The following CNTNAP5 variants were observed in gnomAD, a reference collection of about 807,000 sequenced individuals.
CNTNAP5 encodes the protein contactin associated protein family member 5.
A neutral mutation model predicts 150.2 loss-of-function variants in CNTNAP5; 72 were observed. That is an observed-to-expected ratio of 0.48 (90% CI 0.40 to 0.58). The LOEUF (loss-of-function observed/expected upper bound fraction) is 0.58, where lower values mean the gene tolerates loss of function less well. Among genes scored for constraint, CNTNAP5 ranks in the 20% least tolerant of loss-of-function variants. CNTNAP5 has a pLI of 0.00. For missense variants in CNTNAP5, 1,636 were observed against 1,626.2 expected, an observed-to-expected ratio of 1.01 and a Z score of -0.10; for synonymous variants, 672 against 619.8, an observed-to-expected ratio of 1.08 and a Z score of -1.25.
chr2:124,361,662 C>G (rs10180886), intron 3 of CNTNAP5, among the ~76,000 whole-genome samples: 36 of 138,330 alleles, frequency 2.6e-4, no homozygotes, highest in Middle Eastern at 3.5e-3. Flanking sequence ...GGCAGTCTGC[C>G]GGTTCTCAGA....
At chr2:124,723,065 C>T (rs1285931283) in intron 13 of CNTNAP5, among the ~76,000 whole-genome samples, 2 of 152,208 alleles carry the variant, frequency 1.3e-5, no homozygotes, top group East Asian at 3.9e-4. Context: ...CTCCAGAACC[C>T]ACTTTCTACT....
At chr2:124,147,789 G>T (rs1684291374) in intron 1 of CNTNAP5, among the ~76,000 whole-genome samples, 1 of 152,130 alleles carries the variant, frequency 6.6e-6, no homozygotes. Context: ...AGAGGCTTGG[G>T]CTCGGGCACC....
intron 13 of CNTNAP5, among the ~76,000 whole-genome samples, chr2:124,735,128 AC>A (rs1680354505): frequency 6.6e-6 from 1 of 152,068 alleles, no homozygotes; most frequent in African/African-American, 2.4e-5. Context: ...CTATATATGT[AC>A]CCCCTTTCCT....
In CNTNAP5 at chr2:124,361,544, G is replaced by T. The variant is rs1221147305; in HGVS notation, c.382-55899G>T. ...CTTCTAACAGACAGGACCCTCAGCT[G>T]CAGGTCTGTTGGAATACCCTGCCTT... On this transcript the variant is annotated intron_variant, in intron 3 of 23. Coordinates refer to ENST00000682447, the MANE Select transcript of CNTNAP5 (RefSeq NM_001367498.1). 9.6e-5 allele frequency among the ~76,000 whole-genome samples: 14 copies of T among 145,980 alleles called. No individual in the cohort carries two copies. In the South Asian group the frequency reaches 2.6e-3, roughly 27 times the overall value.
intron 17 of CNTNAP5, among the ~76,000 whole-genome samples, chr2:124,780,893 C>G (rs879711627): frequency 5.3e-5 from 8 of 152,224 alleles, no homozygotes; most frequent in Non-Finnish European, 7.3e-5. Flanking sequence ...AAAAGCCAGA[C>G]TATATGATTG....
chr2:124,267,860 T>C (rs1687652724), intron 3 of CNTNAP5, among the ~76,000 whole-genome samples: 1 of 152,170 alleles, frequency 6.6e-6, no homozygotes, highest in East Asian at 1.9e-4. Context: ...AGGGAAAACA[T>C]AATGCAACTT....
At chr2:124,867,930 C>T (rs973783391) in intron 20 of CNTNAP5, among the ~76,000 whole-genome samples, 1 of 152,118 alleles carries the variant, frequency 6.6e-6, no homozygotes, top group African/African-American at 2.4e-5. Context: ...AAACAATGAC[C>T]TCATCCCCTG....
intron 6 of CNTNAP5, among the ~76,000 whole-genome samples, chr2:124,470,400 C>T (rs890633266): frequency 6.6e-6 from 1 of 151,910 alleles, no homozygotes; most frequent in Admixed American, 6.6e-5. Flanking sequence ...TGTCTTTTGC[C>T]CCACTTTTTA....
chr2:124,087,815 CT>C (rs1682728071), intron 1 of CNTNAP5, among the ~76,000 whole-genome samples: 1 of 150,096 alleles, frequency 6.7e-6, no homozygotes, highest in African/African-American at 2.4e-5. Context: ...CCTATTGTCA[CT>C]TGATTTGTTT....
chr2:124,232,939 G>C (rs1238891289), intron 2 of CNTNAP5, among the ~76,000 whole-genome samples: 1 of 151,640 alleles, frequency 6.6e-6, no homozygotes, highest in African/African-American at 2.4e-5. Flanking sequence ...ATTGAAAGGT[G>C]TTCATATTTC....
At chr2:124,607,988 T>A (rs1233129257) in intron 11 of CNTNAP5, among the ~76,000 whole-genome samples, 14 of 152,206 alleles carry the variant, frequency 9.2e-5, no homozygotes, top group Admixed American at 9.2e-4. Context: ...GAGAATGCCA[T>A]GAGAACAAGG....
intron 13 of CNTNAP5, among the ~76,000 whole-genome samples, chr2:124,651,268 G>T (rs899431427): frequency 6.6e-6 from 1 of 152,314 alleles, no homozygotes; most frequent in South Asian, 2.1e-4. Flanking sequence ...ATGGCTGCAG[G>T]TGCATTTAAA....
intron 19 of CNTNAP5, among the ~76,000 whole-genome samples, chr2:124,806,352 G>T (rs1286675771): frequency 6.6e-6 from 1 of 152,112 alleles, no homozygotes; most frequent in Admixed American, 6.5e-5. Context: ...GCTCTTCCTG[G>T]TGCATTTCAA....
At chr2:124,293,604 A>G (rs1289075107) in intron 3 of CNTNAP5, among the ~76,000 whole-genome samples, 1 of 152,282 alleles carries the variant, frequency 6.6e-6, no homozygotes, top group African/African-American at 2.4e-5. Context: ...ATAATTTTCA[A>G]TCAATTATAT....
At chr2:124,536,868 C>CAATA (rs1695243911) in intron 10 of CNTNAP5, among the ~76,000 whole-genome samples, 2 of 152,100 alleles carry the variant, frequency 1.3e-5, no homozygotes, top group African/African-American at 4.8e-5. Context: ...ATTGGAAGGG[C>CAATA]TGTCTTGGCA....
At chr2:124,906,861 T>C (rs147619582) in intron 22 of CNTNAP5, among the ~76,000 whole-genome samples, 1,524 of 152,278 alleles carry the variant, frequency 0.01, 13 homozygotes, top group Non-Finnish European at 0.013. Context: ...AGGTAATTCT[T>C]GTGATTCTCC....
At chr2:124,867,566 A>G (rs1840210) in intron 20 of CNTNAP5, among the ~76,000 whole-genome samples, 17,314 of 152,016 alleles carry the variant, frequency 0.11, 3,195 homozygotes, top group African/African-American at 0.39. Context: ...TTGCTTGCCC[A>G]ATACAACTCT....
At chr2:124,344,043 G>C (rs960698822) in intron 3 of CNTNAP5, among the ~76,000 whole-genome samples, 1 of 152,136 alleles carries the variant, frequency 6.6e-6, no homozygotes, top group Non-Finnish European at 1.5e-5. Flanking sequence ...ATTATTGACA[G>C]AATGGCTCCA....
chr2:124,464,122 G>A (rs954948355), intron 6 of CNTNAP5, among the ~76,000 whole-genome samples: 1 of 152,084 alleles, frequency 6.6e-6, no homozygotes, highest in Non-Finnish European at 1.5e-5. Flanking sequence ...CAAAATCCAG[G>A]TGAAATTTAA....
Sources: gnomAD v4.1 joint callset for allele counts (sites outside exome capture counted in the v4.1 genomes callset) on GRCh38, gnomAD v4.1.1 for gene constraint, MANE v1.5 for transcripts, NCBI Gene and HGNC (gene_info 2026-07-23, HGNC 2026-07-21) for gene names.